Variants in PTGES observed in about 807,000 individuals in gnomAD.
The protein encoded by PTGES is MGST1-like 1.
In PTGES, 3 loss-of-function variants were observed where a neutral mutation model predicts 11.8. The ratio of observed to expected loss-of-function variants is 0.25; its 90% CI spans 0.12 to 0.66. The LOEUF is 0.66. Ranked by LOEUF, PTGES falls within the 30% of genes least tolerant of loss-of-function variation. PTGES has a pLI of 0.82. For missense variants in PTGES, 180 were observed against 213.0 expected (o/e 0.85, Z 0.96); for synonymous variants, 94 against 90.4 (o/e 1.04, Z -0.22).
Position 129,739,419 on chromosome 9 carries a change from C to T in PTGES, c.*192G>A. The T allele has an allele frequency of 1.4e-6, 1 of 722,926 alleles. No homozygotes were observed. The allele number at this position is 722,926 out of a possible 1,614,324, so 44.8% of individuals were successfully genotyped here. A position where few individuals can be genotyped will look rare whatever the true frequency, so the allele number is the denominator to read the frequency against. ...TGCAGGAATCCAAGGGGCTAAGAAA[C>T]ATACACACACACATACACACACACG... On this transcript the variant is annotated 3_prime_UTR_variant, in exon 3 of 3. Coordinates refer to ENST00000340607, the MANE Select transcript of PTGES (RefSeq NM_004878.5). The surrounding 1 kb of genome is among the most constrained non-coding windows in gnomAD (Gnocchi z 5.7).
At position 129,753,013 on chromosome 9, in the gene PTGES, C is replaced by T. The variant is rs751649391; in HGVS notation, c.-1G>A. ...TCATCACCAGGCTGTGGGCAGGCAT[C>T]TCTGGCCAGCGCAGCTCAACTGTGG... On this transcript the variant is annotated 5_prime_UTR_variant, in exon 1 of 3. Transcript: ENST00000340607. The T allele has an allele frequency of 3.7e-6, 6 of 1,603,358 alleles. No homozygotes were observed. In the African/African-American group the frequency reaches 6.7e-5, roughly 18 times the overall value.
rs117006955 is a variant in PTGES at position 129,751,566 on chromosome 9, C to T, written c.126+1321G>A. ...TGGTGGTGTGTGTCTGTAATGCCAG[C>T]TACCGGGGAGGCTGAGGCAGTAGAA... is the stretch of plus-strand genomic sequence containing the variant. On this transcript the variant is annotated intron_variant, in intron 1 of 2. Transcript: ENST00000340607. Among the ~76,000 whole-genome samples the T allele has an allele frequency of 5.8e-3, 889 of 152,044 alleles. 6 individuals are homozygous for T. Among genetic ancestry groups the T allele is most frequent in the South Asian group, 0.024 (116 of 4,816 alleles).
chr9:129,741,620 A>G (rs1047464363), intron 2 of PTGES, among the ~76,000 whole-genome samples: 5 of 152,192 alleles, frequency 3.3e-5, no homozygotes, highest in Non-Finnish European at 7.3e-5. Context: ...CAGGGAAGAC[A>G]TAAGAGGGAG....
chr9:129,747,489 A>G (rs1194858322), intron 2 of PTGES, among the ~76,000 whole-genome samples: 2 of 152,232 alleles, frequency 1.3e-5, no homozygotes, highest in Non-Finnish European at 2.9e-5. Flanking sequence ...TGTTAAGCAT[A>G]TGAAAAGATG....
At chr9:129,752,632 G>A (rs1033693100) in intron 1 of PTGES, among the ~76,000 whole-genome samples, 5 of 152,246 alleles carry the variant, frequency 3.3e-5, no homozygotes, top group East Asian at 1.9e-4. Context: ...ACAGACACTC[G>A]CTGGCTCTCT....
intron 2 of PTGES, among the ~76,000 whole-genome samples, chr9:129,744,016 T>C (rs928739632): frequency 6.6e-6 from 1 of 152,180 alleles, no homozygotes; most frequent in East Asian, 1.9e-4. Context: ...GCCTGGTTAA[T>C]TTTTGTATTT....
At chr9:129,748,512 A>G in intron 2 of PTGES, 143 bp downstream of exon 2, 2 of 593,292 alleles carry the variant, frequency 3.4e-6, no homozygotes, top group Non-Finnish European at 5.4e-6. Flanking sequence ...TAAATCATTG[A>G]ATAAAGTAAA....
chr9:129,741,715 G>A (rs1832996690), intron 2 of PTGES, among the ~76,000 whole-genome samples: 1 of 152,144 alleles, frequency 6.6e-6, no homozygotes, highest in African/African-American at 2.4e-5. Context: ...AGACCAGCCT[G>A]GCCAACATGG....
At chr9:129,751,014 C>A (rs897010437) in intron 1 of PTGES, among the ~76,000 whole-genome samples, 2 of 152,170 alleles carry the variant, frequency 1.3e-5, no homozygotes, top group Admixed American at 6.5e-5. Context: ...CACCTCCTCC[C>A]TTCCCCGAAT....
chr9:129,745,471 G>C lies in PTGES; in HGVS notation c.209+3184C>G, dbSNP rs1436098744. Reference sequence around the variant, plus strand: ...TGCTTCCAGGTGGTCTCCCCCTTCGGGTTCCAGCCAGTTCTCCGGTAGCAG... The same window carrying C: ...TGCTTCCAGGTGGTCTCCCCCTTCGCGTTCCAGCCAGTTCTCCGGTAGCAG... On this transcript the variant is annotated intron_variant, in intron 2 of 2. Transcript: ENST00000340607. This position sits in a 1 kb window ranked among gnomAD's most constrained non-coding sequence, Gnocchi z 4.2. Among the ~76,000 whole-genome samples, 1 of 152,136 alleles carries C rather than the reference G, an allele frequency of 6.6e-6. No individual in the cohort carries two copies. The highest frequency in any genetic ancestry group is 1.5e-5 in the Non-Finnish European group (1 of 68,020).
At chr9:129,740,309 C>G (rs796458076) in intron 2 of PTGES, among the ~76,000 whole-genome samples, 1 of 152,168 alleles carries the variant, frequency 6.6e-6, no homozygotes, top group African/African-American at 2.4e-5. Flanking sequence ...TGCTCTTTAC[C>G]TCCAGGGCAG....
chr9:129,748,860 T>A, intron 1 of PTGES, 123 bp from the exon 2 acceptor site: 3 of 752,150 alleles, frequency 4.0e-6, no homozygotes, highest in Non-Finnish European at 6.3e-6. Flanking sequence ...CACACACCCA[T>A]CCAACCATCA....
chr9:129,750,307 C>T (rs1293127086), intron 1 of PTGES, among the ~76,000 whole-genome samples: 2 of 152,216 alleles, frequency 1.3e-5, no homozygotes, highest in East Asian at 3.8e-4. Flanking sequence ...GCTGGTTTGT[C>T]CTCCCTGGTG....
chr9:129,746,955 CA>C (rs1262639849), intron 2 of PTGES, among the ~76,000 whole-genome samples: 2 of 152,226 alleles, frequency 1.3e-5, no homozygotes, highest in African/African-American at 2.4e-5. Flanking sequence ...CTCTATCCCC[CA>C]AGCTGGAGCG....
At chr9:129,749,677 G>T (rs10988493) in intron 1 of PTGES, 14,584 of 152,304 alleles carry the variant, frequency 0.096, 763 homozygotes, top group East Asian at 0.19. Context: ...ACAATCTGAG[G>T]CTTGAAAGAT....
chr9:129,744,446 G>A (rs71481354), intron 2 of PTGES, among the ~76,000 whole-genome samples: 3,740 of 152,058 alleles, frequency 0.025, 43 homozygotes, highest in South Asian at 0.04. Flanking sequence ...ATGGTGGCAC[G>A]TGTCTGTGGT....
intron 2 of PTGES, among the ~76,000 whole-genome samples, chr9:129,747,153 G>A (rs1367054015): frequency 6.6e-6 from 1 of 152,120 alleles, no homozygotes; most frequent in Non-Finnish European, 1.5e-5. Flanking sequence ...GCCGGCCCTC[G>A]AAAATGTTGG....
At chr9:129,744,652 G>A (rs1010306948) in intron 2 of PTGES, among the ~76,000 whole-genome samples, 42 of 151,394 alleles carry the variant, frequency 2.8e-4, no homozygotes, top group African/African-American at 5.3e-4. Flanking sequence ...CGAGGCAGGC[G>A]GATCACTTGA....
At position 129,739,447 on chromosome 9, in the gene PTGES, C is replaced by T. The variant is rs528118415; in HGVS notation, c.*164G>A. 96 of 940,552 alleles carry T rather than the reference C, an allele frequency of 1.0e-4. 1 individual carries two copies. In the East Asian group the frequency reaches 2.3e-3, roughly 23 times the overall value. 58.3% of individuals were successfully genotyped at this position (940,552 alleles called of 1,614,324 possible). ...ACACACACACATACACACACACGGG[C>T]ACACACACAGGCCCACTGTGCCCAG... is the stretch of plus-strand genomic sequence containing the variant. On this transcript the variant is annotated 3_prime_UTR_variant, in exon 3 of 3. Transcript: ENST00000340607. This position sits in a 1 kb window ranked among gnomAD's most constrained non-coding sequence, Gnocchi z 5.7.
Sources: allele counts gnomAD v4.1 joint callset (sites outside exome capture counted in the v4.1 genomes callset), GRCh38; gene constraint gnomAD v4.1.1; non-coding constraint Gnocchi (gnomAD v3.1); transcripts MANE v1.5; gene names NCBI Gene and HGNC (gene_info 2026-07-23, HGNC 2026-07-21).